The following TTN variants were observed in gnomAD, a reference collection of about 807,000 sequenced individuals.
TTN encodes connectin.
TTN carries 1,525 observed loss-of-function variants against 3,223.0 expected under a neutral mutation model. That is an observed-to-expected ratio of 0.47 (90% confidence interval 0.45 to 0.49). The LOEUF (loss-of-function observed/expected upper bound fraction) is 0.49, where lower values mean the gene tolerates loss of function less well. Among genes scored for constraint, TTN ranks in the 20% least tolerant of loss-of-function variants. The pLI, the probability that TTN is intolerant of heterozygous loss-of-function variation, is 0.00. For missense variants in TTN, 40,786 were observed against 43,424.0 expected (o/e 0.94, Z 5.40); for synonymous variants, 14,094 against 15,161.0 (o/e 0.93, Z 5.17).
rs1387058011 is a variant in TTN at position 178,561,985 on chromosome 2, A to C, written c.84147T>G (p.Thr28049=). 3 of 1,613,402 alleles carry C rather than the reference A, an allele frequency of 1.9e-6. No individual in the cohort carries two copies. Among genetic ancestry groups the C allele is most frequent in the Non-Finnish European group, 2.5e-6 (3 of 1,179,612 alleles). ...NSAGSITVPI[T]IIVLDRPGPP... is the part of the protein sequence containing the mutation. ...GTCCTGGTCTGTCAAGGACAATTAT[A>C]GTAATAGGAACTGTTATGGATCCAG... Residue 28049 remains threonine, a synonymous_variant, in exon 326 of 363, where the codon ACT becomes ACG. Transcript: ENST00000589042.
At chr2:178,703,070 T>C (rs2075277966) in intron 106 of TTN, among the ~76,000 whole-genome samples, 1 of 152,244 alleles carries the variant, frequency 6.6e-6, no homozygotes, top group Non-Finnish European at 1.5e-5. Flanking sequence ...ATTCAGGATC[T>C]ATAATTGTTT....
chr2:178,650,907 C>T (rs182293255), intron 208 of TTN, 73 bp from the exon 209 acceptor site: 1 of 1,462,162 alleles, frequency 6.8e-7, no homozygotes, highest in Non-Finnish European at 9.4e-7. Context: ...ATCGACTTCA[C>T]ATTTTGCTCA....
chr2:178,628,348 T>G (rs962985454), intron 240 of TTN, among the ~76,000 whole-genome samples: 1 of 152,074 alleles, frequency 6.6e-6, no homozygotes, highest in Non-Finnish European at 1.5e-5. Flanking sequence ...GTTGAGATCT[T>G]TATAGCACAT....
At position 178,567,974 on chromosome 2, in the gene TTN, T is replaced by C; in HGVS notation, c.78158A>G (p.Gln26053Arg). Residue 26053 changes from glutamine to arginine, a missense_variant, in exon 326 of 363, where the codon CAG (glutamine) becomes CGG (arginine). Transcript: ENST00000589042. The part of the protein sequence containing the change: ...TIIHDTQFKA[Q>R]NLEEGIEYEF... The stretch of plus-strand genomic sequence containing the variant: ...ATATTCAATGCCTTCTTCAAGATTC[T>C]GTGCTTTGAATTGGGTGTCATGAAT... 6.2e-7 allele frequency: 1 copy of C among 1,613,598 alleles called. No homozygotes were observed. Among genetic ancestry groups the C allele is most frequent in the Non-Finnish European group, 8.5e-7 (1 of 1,179,632 alleles).
chr2:178,800,436 C>T lies in TTN; in HGVS notation c.542G>A (p.Ser181Asn), dbSNP rs72647843. The T allele has an allele frequency of 3.2e-3, 5,158 of 1,614,158 alleles. 151 individuals carry two copies. In the African/African-American group the frequency reaches 0.058, roughly 18 times the overall value. Residue 181 changes from serine to asparagine, a missense_variant, in exon 4 of 363, where the codon AGC (serine) becomes AAC (asparagine). By Grantham distance (46) the Ser-to-Asn change is conservative. Coordinates refer to ENST00000589042, the MANE Select transcript of TTN (RefSeq NM_001267550.2). ...AGCAGTCGAAGTAGCTCTTCCAACGCTATTGGTGGCATTTACTGAATAGGT... is the reference window on the plus strand; with the variant it reads ...AGCAGTCGAAGTAGCTCTTCCAACGTTATTGGTGGCATTTACTGAATAGGT... ...SGTYSVNATN[S>N]VGRATSTAEL...
At chr2:178,640,955 C>T (rs77507319) in intron 220 of TTN, among the ~76,000 whole-genome samples, 30 of 152,078 alleles carry the variant, frequency 2.0e-4, no homozygotes, top group African/African-American at 7.2e-4. Context: ...CCTTTGCTGA[C>T]ACCCTCCCAT....
At position 178,601,657 on chromosome 2, in the gene TTN, C is replaced by T. The variant is rs2053485503; in HGVS notation, c.55432+1G>A. On this transcript the variant is annotated splice_donor_variant, in intron 286 of 362. Coordinates refer to ENST00000589042, the MANE Select transcript of TTN (RefSeq NM_001267550.2). LOFTEE classifies it high-confidence loss of function. ...GTAGCAACTTTCAAAGTCTTTCTTA[C>T]CCATGACTTTAACTCTGCAATTTGC... 1 of 1,591,516 alleles carries T rather than the reference C, an allele frequency of 6.3e-7. No homozygotes were observed. Among genetic ancestry groups the T allele is most frequent in the Non-Finnish European group, 8.5e-7 (1 of 1,172,974 alleles).
At position 178,529,946 on chromosome 2, in the gene TTN, A is replaced by C. The variant is rs1688329338; in HGVS notation, c.106531+14T>G. The C allele has an allele frequency of 6.3e-7, 1 of 1,582,300 alleles. No homozygotes were observed. Among genetic ancestry groups the C allele is most frequent in the East Asian group, 2.3e-5 (1 of 43,906 alleles). ...CTTCTGAAGAAATGTGGGTAAAAACAAAAGCCAACCTACCTTTTATTGTTA... is the reference window on the plus strand; with the variant it reads ...CTTCTGAAGAAATGTGGGTAAAAACCAAAGCCAACCTACCTTTTATTGTTA... On this transcript the variant is annotated intron_variant, in intron 359 of 362. Coordinates refer to ENST00000589042, the MANE Select transcript of TTN (RefSeq NM_001267550.2).
intron 309 of TTN, 36 bp downstream of exon 309, chr2:178,585,036 A>C (rs763803863): frequency 1.2e-6 from 2 of 1,602,174 alleles, no homozygotes; most frequent in African/African-American, 2.7e-5. Context: ...TCTGAGCTTC[A>C]TATTTAGATG....
chr2:178,678,696 C>G, intron 143 of TTN, 51 bp downstream of exon 143: 1 of 1,530,174 alleles, frequency 6.5e-7, no homozygotes, highest in South Asian at 1.2e-5. Flanking sequence ...TTAATTTTTA[C>G]CCATATGCAA....
chr2:178,792,377 CTG>C (rs1181346729), intron 9 of TTN, among the ~76,000 whole-genome samples, 180 bp from the exon 10 acceptor site: 3 of 152,268 alleles, frequency 2.0e-5, no homozygotes, highest in Admixed American at 6.5e-5. Flanking sequence ...TCTCCTTAAA[CTG>C]TAAATTATGT....
chr2:178,775,817 A>T lies in TTN; in HGVS notation c.6047T>A (p.Val2016Glu). 6.2e-7 allele frequency: 1 copy of T among 1,613,828 alleles called. No homozygotes were observed. The highest frequency in any genetic ancestry group is 8.5e-7 in the Non-Finnish European group (1 of 1,179,912). Residue 2016 changes from valine to glutamate, a missense_variant, in exon 28 of 363, where the codon GTG becomes GAG. Val to Glu is a moderately radical substitution (Grantham distance 121). Coordinates refer to ENST00000589042, the MANE Select transcript of TTN (RefSeq NM_001267550.2). Reference protein sequence around the residue: ...EEGYYEAITAVELKSRKKDES... With the variant: ...EEGYYEAITAEELKSRKKDES... ...ATCCTTCTTTCGAGACTTGAGCTCC[A>T]CAGCGGTAATGGCTTCATAATAGCC...
At chr2:178,549,510 G>A in intron 338 of TTN, 37 bp from the exon 339 acceptor site, 1 of 1,592,270 alleles carries the variant, frequency 6.3e-7, no homozygotes, top group South Asian at 1.1e-5. Context: ...TCAATTAGAT[G>A]CATTTGCTTG....
rs727505319 is a variant in TTN, at chr2:178,542,263, C to G, written c.97492+1G>C. ...AGTGGTGGAAGGGCCTGTGGACTTACGGATGCTGCTGCGACACTCTATGAC... is the reference window on the plus strand; with the variant it reads ...AGTGGTGGAAGGGCCTGTGGACTTAGGGATGCTGCTGCGACACTCTATGAC... On this transcript the variant is annotated splice_donor_variant, in intron 349 of 362. Coordinates refer to ENST00000589042, the MANE Select transcript of TTN (RefSeq NM_001267550.2). LOFTEE classifies it high-confidence loss of function. 5.6e-6 allele frequency: 9 copies of G among 1,603,430 alleles called. No homozygotes were observed. Among genetic ancestry groups the G allele is most frequent in the Admixed American group, 1.7e-5 (1 of 59,172 alleles).
At chr2:178,650,411 T>A (rs946769171) in intron 209 of TTN, 140 bp from the exon 210 acceptor site, 2 of 901,570 alleles carry the variant, frequency 2.2e-6, no homozygotes, top group Admixed American at 3.1e-5. Flanking sequence ...TTAGATAAAA[T>A]CTATCTCATT....
rs142004835 is a variant in TTN, at chr2:178,565,605, A to T, written c.80527T>A (p.Leu26843Met). ...AACTGATATTCTTGTCCAGAACTCA[A>T]ACCAGTAACAACTGCATTACAGACT... ...SKVCNAVVTG[L>M]SSGQEYQFRV... The change falls in exon 326 of 363, where the codon TTG becomes ATG. Residue 26843 changes from leucine to methionine, a missense_variant. Physicochemically the swap from Leu to Met is conservative, Grantham distance 15 (BLOSUM62 2). Coordinates refer to ENST00000589042, the MANE Select transcript of TTN (RefSeq NM_001267550.2). The T allele has an allele frequency of 2.5e-6, 4 of 1,613,622 alleles. No homozygotes were observed. Among genetic ancestry groups the T allele is most frequent in the Non-Finnish European group, 2.5e-6 (3 of 1,179,650 alleles).
chr2:178,725,737 C>A, intron 70 of TTN, 31 bp downstream of exon 70: 2 of 1,557,314 alleles, frequency 1.3e-6, no homozygotes, highest in East Asian at 2.3e-5. Flanking sequence ...ACATTTATGA[C>A]ATTTCTGCCA....
At chr2:178,669,497 C>T (rs577006868) in intron 158 of TTN, 50 bp from the exon 159 acceptor site, 201 of 1,573,540 alleles carry the variant, frequency 1.3e-4, no homozygotes, top group Non-Finnish European at 1.4e-4. Flanking sequence ...ATATAAGATA[C>T]GAAATACAAG....
At position 178,804,581 on chromosome 2, in the gene TTN, C is replaced by G. The variant is rs1211610408; in HGVS notation, c.62G>C (p.Ser21Thr). The G allele has an allele frequency of 6.2e-7, 1 of 1,614,012 alleles. No individual in the cohort carries two copies. Among genetic ancestry groups the G allele is most frequent in the South Asian group, 1.1e-5 (1 of 91,048 alleles). The change falls in exon 2 of 363, where the codon AGT (serine) becomes ACT (threonine). Residue 21 changes from serine (S) to threonine (T), a missense_variant. Ser to Thr is a moderately conservative substitution (Grantham distance 58). Transcript: ENST00000589042. ...PLQSVVVLEG[S>T]TATFEAHISG... ...AATGTGAGCCTCAAAGGTTGCGGTA[C>G]TACCCTCCAGTACCACAACGCTTTG...
Sources: gnomAD v4.1 joint callset for allele counts (sites outside exome capture counted in the v4.1 genomes callset) on GRCh38, gnomAD v4.1.1 for gene constraint, MANE v1.5 for transcripts, NCBI Gene and HGNC (gene_info 2026-07-23, HGNC 2026-07-21) for gene names.